The following CAMK2A variants were observed in gnomAD, a reference collection of about 807,000 sequenced individuals.
CAMK2A encodes calcium/calmodulin dependent protein kinase II alpha.
CAMK2A carries 7 observed loss-of-function variants against 79.2 expected under a neutral mutation model. The ratio of observed to expected loss-of-function variants is 0.09; its 90% CI spans 0.05 to 0.17. CAMK2A has a LOEUF of 0.17. CAMK2A is among the 10% of genes least tolerant of loss of function. The probability of loss-of-function intolerance (pLI) is 1.00; values close to 1 mark genes in which losing one functional copy is unlikely to be tolerated. For synonymous variants in CAMK2A, 242 were observed against 251.7 expected (o/e 0.96, Z 0.36); for missense variants, 214 against 646.4 (o/e 0.33, Z 7.25).
chr5:150,274,370 T>C (rs1756869291), intron 1 of CAMK2A, among the ~76,000 whole-genome samples: 1 of 152,236 alleles, frequency 6.6e-6, no homozygotes, highest in East Asian at 1.9e-4. Context: ...TGGATATTGA[T>C]GAGAAGTTTC....
intron 15 of CAMK2A, among the ~76,000 whole-genome samples, chr5:150,234,882 T>G (rs952644356): frequency 6.6e-6 from 1 of 152,176 alleles, no homozygotes. Flanking sequence ...CTAGATACAG[T>G]TCTTGTCTTC....
At chr5:150,253,152 A>C (rs1194634658) in intron 7 of CAMK2A, among the ~76,000 whole-genome samples, 1 of 152,220 alleles carries the variant, frequency 6.6e-6, no homozygotes, top group East Asian at 1.9e-4. Context: ...CTTCAACCAC[A>C]GGGAGCCCTT....
Position 150,229,611 on chromosome 5 carries a change from T to C in CAMK2A, c.1143-1325A>G, listed in dbSNP as rs553623538. ...GCTGCAGATGTCAGAGGAGGTGACATCACATAGGTGGGAGGGGTTCCCCAG... is the reference window on the plus strand; with the variant it reads ...GCTGCAGATGTCAGAGGAGGTGACACCACATAGGTGGGAGGGGTTCCCCAG... On this transcript the variant is annotated intron_variant, in intron 16 of 18. Transcript: ENST00000671881. 5.3e-5 allele frequency among the ~76,000 whole-genome samples: 8 copies of C among 152,182 alleles called. No individual in the cohort carries two copies. In the East Asian group the frequency reaches 1.5e-3, roughly 29 times the overall value.
chr5:150,249,954 T>C (rs1755757599), intron 11 of CAMK2A, among the ~76,000 whole-genome samples: 1 of 152,172 alleles, frequency 6.6e-6, no homozygotes, highest in Middle Eastern at 3.2e-3. Context: ...CCTGCTGCAT[T>C]CTGCCACCAT....
chr5:150,279,751 C>T (rs546322215), intron 1 of CAMK2A, among the ~76,000 whole-genome samples: 12 of 152,168 alleles, frequency 7.9e-5, no homozygotes, highest in Non-Finnish European at 1.6e-4. Flanking sequence ...GGCCCCCCTC[C>T]GGCACTTCGG....
intron 16 of CAMK2A, among the ~76,000 whole-genome samples, chr5:150,230,386 C>A (rs181713425): frequency 2.7e-4 from 40 of 148,454 alleles, no homozygotes; most frequent in Non-Finnish European, 5.0e-4. Context: ...CTTTGAGAGG[C>A]AAACTTCAGC....
chr5:150,255,167 TCTC>T (rs1756001271), intron 6 of CAMK2A, among the ~76,000 whole-genome samples: 1 of 152,224 alleles, frequency 6.6e-6, no homozygotes, highest in African/African-American at 2.4e-5. Flanking sequence ...TTGGGCTGCC[TCTC>T]CTCCTTCCTC....
chr5:150,284,888 C>T lies in CAMK2A; in HGVS notation c.62+4676G>A, dbSNP rs1447296060. ...GATGTTCCGGAGGTCTGCAATTTCCCATATGTGCCCTCCACAGAGGGAGGC... is the reference window on the plus strand; with the variant it reads ...GATGTTCCGGAGGTCTGCAATTTCCTATATGTGCCCTCCACAGAGGGAGGC... On this transcript the variant is annotated intron_variant, in intron 1 of 18. Coordinates refer to ENST00000671881, the MANE Select transcript of CAMK2A (RefSeq NM_015981.4). The surrounding 1 kb of genome is among the most constrained non-coding windows in gnomAD (Gnocchi z 5.3). 1.3e-5 allele frequency among the ~76,000 whole-genome samples: 2 copies of T among 152,184 alleles called. No individual in the cohort carries two copies. Among genetic ancestry groups the T allele is most frequent in the Non-Finnish European group, 2.9e-5 (2 of 68,030 alleles).
At chr5:150,269,694 G>A (rs1004617269) in intron 2 of CAMK2A, among the ~76,000 whole-genome samples, 2 of 152,154 alleles carry the variant, frequency 1.3e-5, no homozygotes, top group African/African-American at 2.4e-5. Flanking sequence ...CAGGCGGCCC[G>A]AAATTCCAGC....
At chr5:150,277,315 T>C (rs1313092363) in intron 1 of CAMK2A, among the ~76,000 whole-genome samples, 1 of 152,244 alleles carries the variant, frequency 6.6e-6, no homozygotes, top group Non-Finnish European at 1.5e-5. Context: ...TAACTCTGTC[T>C]GTGGGTGATT....
intron 1 of CAMK2A, among the ~76,000 whole-genome samples, chr5:150,276,788 G>A (rs1222191993): frequency 6.6e-6 from 1 of 152,180 alleles, no homozygotes; most frequent in Non-Finnish European, 1.5e-5. Flanking sequence ...GTGGGTGGAT[G>A]GAGGGATAGA....
intron 1 of CAMK2A, among the ~76,000 whole-genome samples, chr5:150,281,306 A>T (rs759511611): frequency 6.6e-6 from 1 of 152,230 alleles, no homozygotes; most frequent in African/African-American, 2.4e-5. Context: ...GAGAATCTGC[A>T]TCCAAAACCC....
chr5:150,251,921 G>A (rs890462502), intron 8 of CAMK2A, 61 bp downstream of exon 8: 2 of 1,565,848 alleles, frequency 1.3e-6, no homozygotes, highest in African/African-American at 1.4e-5. Context: ...GGAAAGGAGA[G>A]AGGGGGCCCC....
At chr5:150,269,741 A>G (rs1756659094) in intron 2 of CAMK2A, among the ~76,000 whole-genome samples, 1 of 152,172 alleles carries the variant, frequency 6.6e-6, no homozygotes, top group South Asian at 2.1e-4. Context: ...AGAGACCTGA[A>G]GTCTGGGAAC....
chr5:150,265,271 T>A, intron 2 of CAMK2A: 1 of 473,520 alleles, frequency 2.1e-6, no homozygotes, highest in Non-Finnish European at 3.9e-6. Context: ...TTCTTAAATG[T>A]GAGGCTTCTC....
In CAMK2A at chr5:150,222,660, A is replaced by G. The variant is rs1289403840; in HGVS notation, c.*50T>C. On this transcript the variant is annotated 3_prime_UTR_variant, in exon 19 of 19. Transcript: ENST00000671881. ...GAGAACCAGCAGCTCCACTCCACGGACAGAGTGGATCTCTGCGGCACAGCA... is the reference window on the plus strand; with the variant it reads ...GAGAACCAGCAGCTCCACTCCACGGGCAGAGTGGATCTCTGCGGCACAGCA... 6.9e-7 allele frequency: 1 copy of G among 1,439,510 alleles called. No individual in the cohort carries two copies. Among genetic ancestry groups the G allele is most frequent in the Admixed American group, 2.1e-5 (1 of 47,948 alleles). 89.2% of individuals were successfully genotyped at this position (1,439,510 alleles called of 1,614,324 possible).
chr5:150,231,271 G>A (rs1376757327), intron 16 of CAMK2A, 34 bp downstream of exon 16: 3 of 1,354,770 alleles, frequency 2.2e-6, no homozygotes, highest in Non-Finnish European at 3.1e-6. Context: ...CAACAATCCA[G>A]GCAGGACATG....
intron 17 of CAMK2A, 95 bp downstream of exon 17, chr5:150,228,097 G>A (rs562358127): frequency 1.4e-4 from 153 of 1,064,958 alleles, no homozygotes; most frequent in Admixed American, 6.0e-4. Context: ...CTCCTGAGCC[G>A]CCCCTGGGGC....
intron 9 of CAMK2A, 122 bp from the exon 10 acceptor site, chr5:150,250,932 A>T (rs1231366238): frequency 8.8e-7 from 1 of 1,140,380 alleles, no homozygotes; most frequent in East Asian, 2.4e-5. Flanking sequence ...GGACATCCAC[A>T]CCAGGAGGAG....
Sources: gnomAD v4.1 joint callset for allele counts (sites outside exome capture counted in the v4.1 genomes callset) on GRCh38, gnomAD v4.1.1 for gene constraint, Gnocchi (gnomAD v3.1) non-coding constraint, MANE v1.5 for transcripts, NCBI Gene and HGNC (gene_info 2026-07-23, HGNC 2026-07-21) for gene names.